Variants in FAM135A observed in about 807,000 individuals in gnomAD.
The protein encoded by FAM135A is family with sequence similarity 135 member A, also known as protein FAM135A.
In FAM135A, 79 loss-of-function variants were observed where a neutral mutation model predicts 146.8. The observed-to-expected ratio is 0.54, with a 90% CI of 0.45 to 0.65. The LOEUF is 0.65. Among genes scored for constraint, FAM135A ranks in the 30% least tolerant of loss-of-function variants. FAM135A has a pLI of 0.00. For missense variants in FAM135A, 1,623 were observed against 1,758.2 expected, an observed-to-expected ratio of 0.92 and a Z score of 1.38; for synonymous variants, 562 against 603.6, an observed-to-expected ratio of 0.93 and a Z score of 1.01.
intron 5 of FAM135A, among the ~76,000 whole-genome samples, chr6:70,466,231 C>A (rs1056750409): frequency 6.6e-6 from 1 of 152,082 alleles, no homozygotes; most frequent in Admixed American, 6.6e-5. Context: ...AAAATGAACA[C>A]CCAGGTACCC....
chr6:70,491,391 T>G (rs573962998), intron 11 of FAM135A, among the ~76,000 whole-genome samples: 1 of 152,100 alleles, frequency 6.6e-6, no homozygotes, highest in South Asian at 2.1e-4. Flanking sequence ...AAAACATCAC[T>G]TAAACTTGTA....
chr6:70,432,535 G>A lies in FAM135A; in HGVS notation c.77+4116G>A, dbSNP rs976292688. 2.0e-5 allele frequency among the ~76,000 whole-genome samples: 3 copies of A among 152,030 alleles called. No individual in the cohort carries two copies. In the East Asian group the frequency reaches 5.8e-4, roughly 29 times the overall value. ...CTTATAATGAACTTAACAAAACATT[G>A]TTAATAAATAGACATCCTTACTTCT... On this transcript the variant is annotated intron_variant, in intron 4 of 21. Coordinates refer to ENST00000418814, the MANE Select transcript of FAM135A (RefSeq NM_001162529.3).
chr6:70,514,414 T>C (rs1029210583), intron 12 of FAM135A, among the ~76,000 whole-genome samples: 5 of 152,182 alleles, frequency 3.3e-5, no homozygotes, highest in African/African-American at 4.8e-5. Context: ...CTTTCAGTCA[T>C]TGGGCAATTT....
chr6:70,455,427 T>C (rs1428317192), intron 5 of FAM135A, among the ~76,000 whole-genome samples: 2 of 151,966 alleles, frequency 1.3e-5, no homozygotes, highest in Non-Finnish European at 1.5e-5. Context: ...TATATACATG[T>C]GTATGTGTGT....
Position 70,533,862 on chromosome 6 carries a change from C to A in FAM135A, c.3965+8C>A. 7.6e-7 allele frequency: 1 copy of A among 1,320,594 alleles called. No individual in the cohort carries two copies. The highest frequency in any genetic ancestry group is 1.0e-6 in the Non-Finnish European group (1 of 971,662). The allele number at this position is 1,320,594 out of a possible 1,614,324, so 81.8% of individuals were successfully genotyped here. A position where few individuals can be genotyped will look rare whatever the true frequency, so the allele number is the denominator to read the frequency against. On this transcript the variant is annotated splice_region_variant and intron_variant, in intron 18 of 21. Transcript: ENST00000418814. The stretch of plus-strand genomic sequence containing the variant: ...AACAGTCTCAAAAATAAGGTATCTT[C>A]TTTAATATTATGCAATTTATTTTTA...
intron 2 of FAM135A, among the ~76,000 whole-genome samples, chr6:70,421,682 C>T (rs1030883913): frequency 1.3e-5 from 2 of 152,168 alleles, no homozygotes; most frequent in African/African-American, 4.8e-5. Flanking sequence ...TGGATTCTCA[C>T]TTAGTGACCT....
At chr6:70,490,163 A>G (rs1000405936) in intron 10 of FAM135A, among the ~76,000 whole-genome samples, 3 of 152,144 alleles carry the variant, frequency 2.0e-5, no homozygotes, top group African/African-American at 7.2e-5. Flanking sequence ...GATGTTATAG[A>G]ATGTGTTCTT....
chr6:70,545,993 G>A (rs571819453), intron 20 of FAM135A, among the ~76,000 whole-genome samples: 5 of 152,028 alleles, frequency 3.3e-5, no homozygotes, highest in Admixed American at 6.6e-5. Context: ...TTAAAATTAC[G>A]TTGTAGAGAT....
chr6:70,429,650 T>G (rs113655461), intron 4 of FAM135A, among the ~76,000 whole-genome samples: 1 of 151,858 alleles, frequency 6.6e-6, no homozygotes, highest in African/African-American at 2.4e-5. Flanking sequence ...TAGAGAAGAG[T>G]TGACACTAGG....
rs566674756 is a variant in FAM135A at position 70,490,567 on chromosome 6, A to G, written c.824-467A>G. Reference sequence around the variant, plus strand: ...GGATCTTGACATTCATTTTTATTAAATAGCCTACACACCAGGTATGTTTTA... The same window carrying G: ...GGATCTTGACATTCATTTTTATTAAGTAGCCTACACACCAGGTATGTTTTA... On this transcript the variant is annotated intron_variant, in intron 10 of 21. Transcript: ENST00000418814. Among the ~76,000 whole-genome samples, 9 of 152,204 alleles carry G rather than the reference A, an allele frequency of 5.9e-5. No homozygotes were observed. In the East Asian group the frequency reaches 9.6e-4, roughly 16 times the overall value.
intron 2 of FAM135A, among the ~76,000 whole-genome samples, chr6:70,424,491 C>A (rs1769581045): frequency 1.3e-5 from 2 of 152,142 alleles, no homozygotes; most frequent in South Asian, 4.1e-4. Context: ...TGAAGCACAT[C>A]CTCATCCCTC....
chr6:70,528,414 ATGGAGTACATCTGAT>A lies in FAM135A; in HGVS notation c.3740_3754del (p.Gly1247_Ile1251del), dbSNP rs1795139191. The stretch of plus-strand genomic sequence containing the variant: ...GTAGAAGAAGAGGATGGTTCTGAAG[ATGGAGTACATCTGAT>A]TGTCTGTGTGCACGGTTTAGATGGT... On this transcript the variant is annotated inframe_deletion, in exon 16 of 22. Transcript: ENST00000418814. 6.2e-7 allele frequency: 1 copy of A among 1,612,668 alleles called. No homozygotes were observed. Among genetic ancestry groups the A allele is most frequent in the Non-Finnish European group, 8.5e-7 (1 of 1,179,478 alleles).
Position 70,435,102 on chromosome 6 carries a change from TATATATA to T in FAM135A, c.77+6684_77+6690del, listed in dbSNP as rs201112787. On this transcript the variant is annotated intron_variant, in intron 4 of 21. Transcript: ENST00000418814. ...GTGTGTATATATATATATATATATA[TATATATA>T]TTTTTTTTTTTTTTTAGATGGAGTC... Among the ~76,000 whole-genome samples, 120 of 110,712 alleles carry T rather than the reference TATATATA, an allele frequency of 1.1e-3. 1 individual carries two copies. The highest frequency in any genetic ancestry group is 2.4e-3 in the African/African-American group (55 of 23,242). 72.6% of individuals were successfully genotyped at this position (110,712 alleles called of 152,430 possible). A position where few individuals can be genotyped will look rare whatever the true frequency, so the allele number is the denominator to read the frequency against.
Position 70,488,517 on chromosome 6 carries a change from AACTGTATAAATGGATAT to A in FAM135A, c.824-2514_824-2498del, listed in dbSNP as rs544893799. On this transcript the variant is annotated intron_variant, in intron 10 of 21. Coordinates refer to ENST00000418814, the MANE Select transcript of FAM135A (RefSeq NM_001162529.3). ...TCATCACATTTATACATTTCTATAA[AACTGTATAAATGGATAT>A]ACAGTATACCCTTGAATAACACCAG... Among the ~76,000 whole-genome samples, 24 of 150,778 alleles carry A rather than the reference AACTGTATAAATGGATAT, an allele frequency of 1.6e-4. 1 individual carries two copies. In the South Asian group the frequency reaches 5.1e-3, roughly 32 times the overall value.
chr6:70,486,390 T>C, intron 10 of FAM135A: 1 of 646,586 alleles, frequency 1.5e-6, no homozygotes. Context: ...TTAAAATCAA[T>C]TTGGTTTGTA....
chr6:70,519,004 A>G (rs1038256702), intron 12 of FAM135A, among the ~76,000 whole-genome samples: 3 of 152,212 alleles, frequency 2.0e-5, no homozygotes, highest in African/African-American at 7.2e-5. Flanking sequence ...GCTGCCCCAG[A>G]TGGTGATTCC....
At chr6:70,438,526 G>C (rs1247195607) in intron 4 of FAM135A, among the ~76,000 whole-genome samples, 2 of 152,162 alleles carry the variant, frequency 1.3e-5, no homozygotes, top group African/African-American at 4.8e-5. Context: ...CAGCCAATTA[G>C]TCACTTAGTA....
chr6:70,543,720 C>T (rs1236740834), intron 20 of FAM135A, among the ~76,000 whole-genome samples: 1 of 152,164 alleles, frequency 6.6e-6, no homozygotes, highest in Non-Finnish European at 1.5e-5. Flanking sequence ...CAAAGCTGAA[C>T]ATAAGTGTTC....
intron 20 of FAM135A, among the ~76,000 whole-genome samples, chr6:70,538,889 GAAACT>G (rs1797322627): frequency 6.8e-6 from 1 of 148,104 alleles, no homozygotes; most frequent in Admixed American, 6.7e-5. Flanking sequence ...GAAAGTGTCA[GAAACT>G]AAACTATTAA....
Sources: gnomAD v4.1 joint callset for allele counts (sites outside exome capture counted in the v4.1 genomes callset) on GRCh38, gnomAD v4.1.1 for gene constraint, MANE v1.5 for transcripts, NCBI Gene and HGNC (gene_info 2026-07-23, HGNC 2026-07-21) for gene names.